The following GOLGA3 variants were observed in gnomAD, a reference collection of about 807,000 sequenced individuals.
GOLGA3 encodes golgin subfamily A member 3.
A neutral mutation model predicts 169.4 loss-of-function variants in GOLGA3; 75 were observed. The observed-to-expected ratio is 0.44, with a 90% CI of 0.37 to 0.54. The LOEUF (loss-of-function observed/expected upper bound fraction) is 0.54. Among genes scored for constraint, GOLGA3 ranks in the 20% least tolerant of loss-of-function variants. The pLI, the probability that GOLGA3 is intolerant of heterozygous loss-of-function variation, is 0.00. For missense variants in GOLGA3, 1,899 were observed against 1,930.0 expected, an observed-to-expected ratio of 0.98 and a Z score of 0.30; for synonymous variants, 824 against 822.4, an observed-to-expected ratio of 1.00 and a Z score of -0.03.
intron 8 of GOLGA3, among the ~76,000 whole-genome samples, chr12:132,800,165 T>G (rs1484132521): frequency 6.6e-6 from 1 of 152,230 alleles, no homozygotes; most frequent in African/African-American, 2.4e-5. Context: ...ATGTTGTAAG[T>G]AGAACAAATG....
chr12:132,810,484 C>A (rs1007690743), intron 4 of GOLGA3, among the ~76,000 whole-genome samples: 2 of 152,104 alleles, frequency 1.3e-5, no homozygotes, highest in African/African-American at 2.4e-5. Flanking sequence ...TATCATTAAT[C>A]ATTAGTTTGC....
intron 11 of GOLGA3, among the ~76,000 whole-genome samples, chr12:132,792,951 T>C (rs546204432): frequency 1.6e-4 from 20 of 125,320 alleles, no homozygotes; most frequent in Non-Finnish European, 3.0e-4. Flanking sequence ...CTCGGAGGGC[T>C]CCACACAGAC....
At position 132,808,187 on chromosome 12, in the gene GOLGA3, G is replaced by A. The variant is rs143511800; in HGVS notation, c.882C>T (p.Asp294=). The change falls in exon 5 of 24, where the codon GAC becomes GAT. Residue 294 remains aspartate, a synonymous_variant. Coordinates refer to ENST00000450791, the MANE Select transcript of GOLGA3 (RefSeq NM_001389683.1). ...CCAGGGAGGTGTTCTCCAGACGGTC[G>A]TCAGTGTCGGGGGACAGGCTGATCT... ...VSEISLSPDT[D]DRLENTSLAG... is the part of the protein sequence containing the mutation. 86 of 1,613,178 alleles carry A rather than the reference G, an allele frequency of 5.3e-5. No individual in the cohort carries two copies. The highest frequency in any genetic ancestry group is 6.4e-5 in the Non-Finnish European group (76 of 1,179,396).
rs145509540 is a variant in GOLGA3, at chr12:132,775,223, G to A, written c.4061C>T (p.Ser1354Leu). 575 of 1,613,800 alleles carry A rather than the reference G, an allele frequency of 3.6e-4. 3 individuals carry two copies. In the East Asian group the frequency reaches 9.4e-3, roughly 26 times the overall value. Residue 1354 changes from serine (S) to leucine (L), a missense_variant, in exon 22 of 24, where the codon TCG becomes TTG. Physicochemically the swap from Ser to Leu is moderately radical, Grantham distance 145. Transcript: ENST00000450791. Reference protein sequence around the residue: ...KDKFMLQAKVSELKNNMKTLL... With the variant: ...KDKFMLQAKVLELKNNMKTLL... Reference sequence around the variant, plus strand: ...GGTCTTCATGTTGTTCTTCAGCTCCGACACTTTTGCCTGGAGCATAAATTT... The same window carrying A: ...GGTCTTCATGTTGTTCTTCAGCTCCAACACTTTTGCCTGGAGCATAAATTT...
chr12:132,783,467 G>T (rs576883848), intron 16 of GOLGA3, among the ~76,000 whole-genome samples: 29 of 152,368 alleles, frequency 1.9e-4, no homozygotes, highest in South Asian at 1.5e-3. Flanking sequence ...TGGAACAGGC[G>T]GCCCTACTGT....
In GOLGA3 at chr12:132,777,667, G is replaced by A; in HGVS notation, c.3721C>T (p.Gln1241Ter). The A allele has an allele frequency of 6.2e-7, 1 of 1,613,922 alleles. No homozygotes were observed. Among genetic ancestry groups the A allele is most frequent in the Non-Finnish European group, 8.5e-7 (1 of 1,179,934 alleles). The change falls in exon 19 of 24, where the codon CAG becomes TAG. Residue 1241 changes from glutamine (Q) to a stop codon, truncating the protein, a stop_gained and splice_region_variant. Coordinates refer to ENST00000450791, the MANE Select transcript of GOLGA3 (RefSeq NM_001389683.1). LOFTEE classifies it high-confidence loss of function. This position sits in a 1 kb window ranked among gnomAD's most constrained non-coding sequence, Gnocchi z 4.7. ...GGCTGGCGGGGCCCAGGCACTCACT[G>A]AAGGTCGTCGGCCTCGGCCTGCAGC... is the stretch of plus-strand genomic sequence containing the variant. ...QKLQAEADDL[Q>*]IREGKHSQEI...
chr12:132,782,523 A>C, intron 16 of GOLGA3, 30 bp from the exon 17 acceptor site: 1 of 1,543,264 alleles, frequency 6.5e-7, no homozygotes, highest in Non-Finnish European at 9.0e-7. Flanking sequence ...CTGTAAAATT[A>C]CCTGCACTGG....
In GOLGA3 at chr12:132,807,894, C is replaced by G. The variant is rs780020692; in HGVS notation, c.1175G>C (p.Ser392Thr). Residue 392 changes from serine (S) to threonine (T), a missense_variant, in exon 5 of 24, where the codon AGC becomes ACC. Ser to Thr is a moderately conservative substitution (Grantham distance 58). Coordinates refer to ENST00000450791, the MANE Select transcript of GOLGA3 (RefSeq NM_001389683.1). ...CCACCTCTGCTGTCCCCACCACCTG[C>G]TGCAGATGCTGTCTCTCCGACTCCG... ...EVRSRRDSIC[S>T]SVSLESSAAE... The G allele has an allele frequency of 8.2e-5, 131 of 1,597,640 alleles. 1 individual carries two copies. In the South Asian group the frequency reaches 1.4e-3, roughly 17 times the overall value.
In GOLGA3 at chr12:132,808,461, G is replaced by C; in HGVS notation, c.608C>G (p.Thr203Ser). 6.2e-7 allele frequency: 1 copy of C among 1,613,764 alleles called. No homozygotes were observed. Among genetic ancestry groups the C allele is most frequent in the Non-Finnish European group, 8.5e-7 (1 of 1,179,642 alleles). The change falls in exon 5 of 24, where the codon ACC becomes AGC. Residue 203 changes from threonine (T) to serine (S), a missense_variant. Physicochemically the swap from Thr to Ser is moderately conservative, Grantham distance 58. Coordinates refer to ENST00000450791, the MANE Select transcript of GOLGA3 (RefSeq NM_001389683.1). Reference protein sequence around the residue: ...LNPENLPRASTLAMTKEYSFL... With the variant: ...LNPENLPRASSLAMTKEYSFL... Reference sequence around the variant, plus strand: ...GGAATATTCTTTTGTCATAGCCAGGGTACTGGCCCTTGGTAAGTTTTCTGG... The same window carrying C: ...GGAATATTCTTTTGTCATAGCCAGGCTACTGGCCCTTGGTAAGTTTTCTGG...
At chr12:132,797,332 C>A (rs1268676209) in intron 9 of GOLGA3, among the ~76,000 whole-genome samples, 3 of 152,172 alleles carry the variant, frequency 2.0e-5, no homozygotes, top group Non-Finnish European at 4.4e-5. Context: ...CAACATCCAG[C>A]ACAGAACCTC....
rs772541495 is a variant in GOLGA3 at position 132,774,261 on chromosome 12, C to T, written c.4203G>A (p.Pro1401=). 16 of 1,612,722 alleles carry T rather than the reference C, an allele frequency of 9.9e-6. No homozygotes were observed. In the Admixed American group the frequency reaches 1.5e-4, roughly 15 times the overall value. Residue 1401 remains proline, a synonymous_variant, in exon 23 of 24, where the codon CCG becomes CCA. Coordinates refer to ENST00000450791, the MANE Select transcript of GOLGA3 (RefSeq NM_001389683.1). ...SSNPATPIKI[P]DCPVPASLLE... is the part of the protein sequence containing the mutation. ...GCAGCGAGGCGGGAACTGGGCAGTC[C>T]GGGATCTTGATGGGCGTGGCAGGGT...
Position 132,786,248 on chromosome 12 carries a change from G to A in GOLGA3, c.3123+91C>T, listed in dbSNP as rs558303953. On this transcript the variant is annotated intron_variant, in intron 15 of 23. Coordinates refer to ENST00000450791, the MANE Select transcript of GOLGA3 (RefSeq NM_001389683.1). ...CCACCTCCCACGCGAGCTCGGCCCCGCTAGGCTTTAGGGGACAACTGCTGA... is the reference window on the plus strand; with the variant it reads ...CCACCTCCCACGCGAGCTCGGCCCCACTAGGCTTTAGGGGACAACTGCTGA... The A allele has an allele frequency of 1.4e-4, 128 of 901,116 alleles. 1 individual carries two copies. Among genetic ancestry groups the A allele is most frequent in the East Asian group, 7.7e-4 (30 of 38,890 alleles). 55.8% of individuals were successfully genotyped at this position (901,116 alleles called of 1,614,324 possible).
At chr12:132,813,500 G>A in intron 3 of GOLGA3, 81 bp from the exon 4 acceptor site, 1 of 726,472 alleles carries the variant, frequency 1.4e-6, no homozygotes, top group Non-Finnish European at 2.4e-6. Flanking sequence ...TGGTCATTTT[G>A]TACTTAATTA....
At chr12:132,821,099 C>CAAA (rs61336622) in intron 2 of GOLGA3, among the ~76,000 whole-genome samples, 6,593 of 49,184 alleles carry the variant, frequency 0.13, 884 homozygotes, top group South Asian at 0.22. Flanking sequence ...GACACCGTCT[C>CAAA]AAAAAAAAAA....
chr12:132,772,564 A>AAAAAC lies in GOLGA3; in HGVS notation c.*540_*541insGTTTT, dbSNP rs2044957283. On this transcript the variant is annotated 3_prime_UTR_variant, in exon 24 of 24. Transcript: ENST00000450791. ...GTCTCAAAAAAAAAAAAAAAAAAAA[A>AAAAAC]ACAAAGATTGGATTATGATATTCAG... 1 of 150,748 alleles carries AAAAAC rather than the reference A, an allele frequency of 6.6e-6. No homozygotes were observed. Among genetic ancestry groups the AAAAAC allele is most frequent in the Non-Finnish European group, 1.5e-5 (1 of 67,822 alleles). The allele number at this position is 150,748 out of a possible 1,614,324, so 9.3% of individuals were successfully genotyped here. A position where few individuals can be genotyped will look rare whatever the true frequency, so the allele number is the denominator to read the frequency against.
chr12:132,789,217 T>C lies in GOLGA3; in HGVS notation c.2621A>G (p.Lys874Arg), dbSNP rs2046092906. 1.9e-6 allele frequency: 3 copies of C among 1,610,164 alleles called. No homozygotes were observed. The African/African-American group carries it at 4.0e-5, about 21-fold the overall frequency. ...QLISELKATRKRLDSELKELR... is the reference protein window; with the variant it reads ...QLISELKATRRRLDSELKELR... Reference sequence around the variant, plus strand: ...CTCCTTCAGCTCCGAGTCCAGCCTCTTCCTGGTGGCTTTCAGCTCACTGAT... The same window carrying C: ...CTCCTTCAGCTCCGAGTCCAGCCTCCTCCTGGTGGCTTTCAGCTCACTGAT... Residue 874 changes from lysine to arginine, a missense_variant, in exon 13 of 24, where the codon AAG becomes AGG. Physicochemically the swap from Lys to Arg is conservative, Grantham distance 26. Transcript: ENST00000450791.
intron 18 of GOLGA3, among the ~76,000 whole-genome samples, chr12:132,778,052 C>CG (rs1566070876): frequency 6.6e-6 from 1 of 152,224 alleles, no homozygotes; most frequent in African/African-American, 2.4e-5. Context: ...CGAGATTTCT[C>CG]GGTCTAAATA....
chr12:132,809,161 C>G (rs1288607679), intron 4 of GOLGA3, among the ~76,000 whole-genome samples: 2 of 152,268 alleles, frequency 1.3e-5, no homozygotes, highest in South Asian at 2.1e-4. Flanking sequence ...AGAGGAGACA[C>G]AAAGACAGCT....
chr12:132,816,741 T>C lies in GOLGA3; in HGVS notation c.205A>G (p.Asn69Asp). Residue 69 changes from asparagine (N) to aspartate (D), a missense_variant, in exon 3 of 24, where the codon AAC (asparagine) becomes GAC (aspartate). By Grantham distance (23) the Asn-to-Asp change is conservative. Coordinates refer to ENST00000450791, the MANE Select transcript of GOLGA3 (RefSeq NM_001389683.1). ...DGPGQGGLCQ[N>D]GPTPPFPDPP... ...TCTGGGAAGGGTGGCGTTGGCCCGTTCTGACAGAGGCCTCCCTGGCCAGGT... is the reference window on the plus strand; with the variant it reads ...TCTGGGAAGGGTGGCGTTGGCCCGTCCTGACAGAGGCCTCCCTGGCCAGGT... 1 of 1,613,832 alleles carries C rather than the reference T, an allele frequency of 6.2e-7. No individual in the cohort carries two copies.
Sources: gnomAD v4.1 joint callset for allele counts (sites outside exome capture counted in the v4.1 genomes callset) on GRCh38, gnomAD v4.1.1 for gene constraint, Gnocchi (gnomAD v3.1) non-coding constraint, MANE v1.5 for transcripts, NCBI Gene and HGNC (gene_info 2026-07-23, HGNC 2026-07-21) for gene names.